GPC6: variants seen among roughly 807,000 people sequenced by gnomAD.
GPC6 encodes the protein glypican-6.
Under a neutral mutation model 55.2 loss-of-function variants are expected in GPC6, and 14 were observed. That is an observed-to-expected ratio of 0.25 (90% confidence interval 0.17 to 0.40). GPC6 has a LOEUF of 0.40. GPC6 is among the 10% of genes least tolerant of loss of function. The probability of loss-of-function intolerance (pLI) is 1.00; values close to 1 mark genes in which losing one functional copy is unlikely to be tolerated. For missense variants in GPC6, 641 were observed against 708.5 expected (o/e 0.90, Z 1.08); for synonymous variants, 278 against 259.6 (o/e 1.07, Z -0.68).
intron 2 of GPC6, among the ~76,000 whole-genome samples, chr13:93,717,613 GTTA>G (rs1213635562): frequency 3.3e-5 from 5 of 151,520 alleles, no homozygotes; most frequent in Non-Finnish European, 7.4e-5. Flanking sequence ...TTATTTTTTA[GTTA>G]TTATTATTTA....
intron 3 of GPC6, among the ~76,000 whole-genome samples, chr13:93,971,841 A>T (rs960853318): frequency 4.6e-5 from 7 of 152,200 alleles, no homozygotes; most frequent in African/African-American, 1.7e-4. Flanking sequence ...CTCCAACCCC[A>T]AGGAATGATC....
At chr13:94,186,740 A>C (rs1475103159) in intron 4 of GPC6, among the ~76,000 whole-genome samples, 3 of 152,226 alleles carry the variant, frequency 2.0e-5, no homozygotes, top group African/African-American at 7.2e-5. Flanking sequence ...AACATAATTT[A>C]GTAGATTAAA....
intron 3 of GPC6, among the ~76,000 whole-genome samples, chr13:93,855,375 A>C (rs1023128712): frequency 6.6e-6 from 1 of 151,532 alleles, no homozygotes; most frequent in Non-Finnish European, 1.5e-5. Context: ...TCCTTTTAAG[A>C]TTCAATAATA....
chr13:93,327,643 G>T (rs1301116900), intron 1 of GPC6, among the ~76,000 whole-genome samples: 1 of 152,150 alleles, frequency 6.6e-6, no homozygotes, highest in Non-Finnish European at 1.5e-5. Flanking sequence ...AGTCTCCTTG[G>T]CTTGGAATAC....
In GPC6 at chr13:94,401,307, G is replaced by A. The variant is rs530343793; in HGVS notation, c.1466-1708G>A. On this transcript the variant is annotated intron_variant, in intron 8 of 8. Coordinates refer to ENST00000377047, the MANE Select transcript of GPC6 (RefSeq NM_005708.5). ...AACATTCTTGAGAAGGAGATAAACAGTAAGCAAGTGAACAGGCACGTAAAT... is the reference window on the plus strand; with the variant it reads ...AACATTCTTGAGAAGGAGATAAACAATAAGCAAGTGAACAGGCACGTAAAT... Among the ~76,000 whole-genome samples the A allele has an allele frequency of 2.0e-3, 309 of 152,250 alleles. 3 individuals carry two copies. Among genetic ancestry groups the A allele is most frequent in the African/African-American group, 7.1e-3 (293 of 41,534 alleles).
chr13:94,399,023 G>A (rs971637566), intron 8 of GPC6, among the ~76,000 whole-genome samples: 1 of 152,186 alleles, frequency 6.6e-6, no homozygotes, highest in Admixed American at 6.5e-5. Context: ...AGAAAGCTCA[G>A]CAGATTGCTT....
At chr13:93,218,088 T>C in the GPC6 span, among the ~76,000 whole-genome samples, 1 of 147,974 alleles carries the variant, frequency 6.8e-6, no homozygotes, top group African/African-American at 2.5e-5. Flanking sequence ...CATTAGTACA[T>C]GGAACTTCCA....
intron 1 of GPC6, among the ~76,000 whole-genome samples, chr13:93,540,564 TTA>T (rs1465288788): frequency 6.6e-6 from 1 of 152,194 alleles, no homozygotes; most frequent in Non-Finnish European, 1.5e-5. Flanking sequence ...CATAAAATAA[TTA>T]TACAATTATA....
intron 2 of GPC6, among the ~76,000 whole-genome samples, chr13:93,799,561 T>C (rs1171735696): frequency 6.6e-6 from 1 of 152,144 alleles, no homozygotes; most frequent in Non-Finnish European, 1.5e-5. Context: ...AGTGAAGATA[T>C]TGACAGATTG....
chr13:93,609,656 T>A (rs1878386352), intron 2 of GPC6, among the ~76,000 whole-genome samples: 1 of 152,180 alleles, frequency 6.6e-6, no homozygotes, highest in East Asian at 1.9e-4. Flanking sequence ...CTATGTGACT[T>A]GTGTCCCCAC....
chr13:93,552,140 G>A (rs372460249), intron 2 of GPC6, among the ~76,000 whole-genome samples: 1 of 152,190 alleles, frequency 6.6e-6, no homozygotes, highest in Admixed American at 6.5e-5. Context: ...TATTCCATCT[G>A]AAGGACACTC....
At chr13:94,086,078 C>A (rs528057758) in intron 4 of GPC6, among the ~76,000 whole-genome samples, 1 of 148,724 alleles carries the variant, frequency 6.7e-6, no homozygotes, top group Non-Finnish European at 1.5e-5. Flanking sequence ...TTTTTTGTTT[C>A]TAGGTTAGAG....
At chr13:94,234,508 C>CTTTT (rs56709078) in intron 4 of GPC6, among the ~76,000 whole-genome samples, 7 of 136,106 alleles carry the variant, frequency 5.1e-5, no homozygotes, top group South Asian at 2.4e-4. Context: ...CTTTTGTTTG[C>CTTTT]TTTTTTTTTT....
intron 3 of GPC6, among the ~76,000 whole-genome samples, chr13:93,874,285 G>A (rs1248184961): frequency 6.6e-6 from 1 of 151,796 alleles, no homozygotes; most frequent in East Asian, 2.0e-4. Context: ...CCACTTATAA[G>A]TGAGAACATG....
intron 3 of GPC6, among the ~76,000 whole-genome samples, chr13:93,947,909 G>A (rs1170172075): frequency 1.3e-5 from 2 of 152,122 alleles, no homozygotes; most frequent in Non-Finnish European, 2.9e-5. Context: ...TAGAAGGGCA[G>A]ATGCTCCTGT....
At chr13:93,450,786 A>C in intron 1 of GPC6, 1 of 731,586 alleles carries the variant, frequency 1.4e-6, no homozygotes, top group African/African-American at 1.9e-5. Flanking sequence ...TTTATGAAAG[A>C]TCTTGTAAGC....
intron 3 of GPC6, among the ~76,000 whole-genome samples, chr13:93,843,224 C>T (rs545656530): frequency 1.3e-5 from 2 of 151,894 alleles, no homozygotes; most frequent in Non-Finnish European, 2.9e-5. Flanking sequence ...ACAGTTGGCT[C>T]ACATCGTTTG....
At chr13:94,108,170 A>T (rs1265218963) in intron 4 of GPC6, among the ~76,000 whole-genome samples, 1 of 152,198 alleles carries the variant, frequency 6.6e-6, no homozygotes, top group Non-Finnish European at 1.5e-5. Context: ...GGATGAAGAA[A>T]CTGTGGTATA....
chr13:93,804,595 A>C (rs1374141984), intron 2 of GPC6, among the ~76,000 whole-genome samples: 2 of 152,206 alleles, frequency 1.3e-5, no homozygotes, highest in Non-Finnish European at 2.9e-5. Flanking sequence ...ATTTCATAGT[A>C]AGTTCTTTTG....
Sources: allele counts gnomAD v4.1 joint callset (sites outside exome capture counted in the v4.1 genomes callset), GRCh38; gene constraint gnomAD v4.1.1; transcripts MANE v1.5; gene names NCBI Gene and HGNC (gene_info 2026-07-23, HGNC 2026-07-21).